The following SNX29 variants were observed in gnomAD, a reference collection of about 807,000 sequenced individuals.
SNX29 encodes sorting nexin 29.
In SNX29, 78 loss-of-function variants were observed where a neutral mutation model predicts 102.1. The ratio of observed to expected loss-of-function variants is 0.76; its 90% CI spans 0.64 to 0.92. The LOEUF is 0.92. Ranked by LOEUF, SNX29 falls within the 40% of genes least tolerant of loss-of-function variation. The probability of loss-of-function intolerance (pLI) is 0.00; values close to 1 mark genes in which losing one functional copy is unlikely to be tolerated. For synonymous variants in SNX29, 580 were observed against 414.5 expected (o/e 1.40, Z -4.85); for missense variants, 1,280 against 1,061.7 (o/e 1.21, Z -2.86).
In SNX29 at chr16:12,274,113, C is replaced by T. The variant is rs375065841; in HGVS notation, c.1679-3820C>T. The stretch of plus-strand genomic sequence containing the variant: ...CTAGAATTCTTCCCTTCTTTATGTG[C>T]GGGGTAAAGTTTCTGCACGGTCACA... On this transcript the variant is annotated intron_variant, in intron 14 of 20. Coordinates refer to ENST00000566228, the MANE Select transcript of SNX29 (RefSeq NM_032167.5). Among the ~76,000 whole-genome samples the T allele has an allele frequency of 5.3e-5, 8 of 152,212 alleles. No homozygotes were observed. In the East Asian group the frequency reaches 7.7e-4, roughly 15 times the overall value.
At chr16:12,548,103 G>A (rs180896665) in intron 20 of SNX29, among the ~76,000 whole-genome samples, 99 of 152,338 alleles carry the variant, frequency 6.5e-4, no homozygotes, top group African/African-American at 2.3e-3. Flanking sequence ...AAGGGACATT[G>A]AGGTCTATTT....
At chr16:12,002,812 G>C (rs1204715382) in intron 2 of SNX29, among the ~76,000 whole-genome samples, 179 bp from the exon 3 acceptor site, 2 of 152,182 alleles carry the variant, frequency 1.3e-5, no homozygotes, top group East Asian at 1.9e-4. Flanking sequence ...TCAAGGCTGG[G>C]GTGCGCACCT....
intron 14 of SNX29, among the ~76,000 whole-genome samples, chr16:12,243,462 A>T (rs764815020): frequency 6.6e-6 from 1 of 152,310 alleles, no homozygotes; most frequent in Non-Finnish European, 1.5e-5. Context: ...ATAAGAACAC[A>T]TTAGGCTCAG....
At chr16:12,169,525 A>G (rs79217374) in intron 13 of SNX29, among the ~76,000 whole-genome samples, 2,680 of 152,206 alleles carry the variant, frequency 0.018, 79 homozygotes, top group African/African-American at 0.061. Context: ...GCAAGGCAAC[A>G]TGGACGTACT....
chr16:12,215,688 C>T (rs182415615), intron 14 of SNX29, among the ~76,000 whole-genome samples: 6 of 152,324 alleles, frequency 3.9e-5, no homozygotes, highest in African/African-American at 7.2e-5. Context: ...ATTTGAGGTA[C>T]GTGCTGTACC....
At chr16:12,499,554 G>A (rs1345746711) in intron 19 of SNX29, among the ~76,000 whole-genome samples, 12 of 152,202 alleles carry the variant, frequency 7.9e-5, no homozygotes. Context: ...TTGCCTGATG[G>A]TTTCCCACTC....
intron 14 of SNX29, among the ~76,000 whole-genome samples, chr16:12,265,945 C>G (rs1050306986): frequency 1.3e-5 from 2 of 152,016 alleles, no homozygotes; most frequent in Non-Finnish European, 2.9e-5. Flanking sequence ...AAAGTAATTT[C>G]TATTTTTCTC....
At chr16:12,060,499 T>TGAGGCGGGAG (rs1567170277) in intron 8 of SNX29, among the ~76,000 whole-genome samples, 9 of 152,004 alleles carry the variant, frequency 5.9e-5, no homozygotes, top group Non-Finnish European at 1.2e-4. Flanking sequence ...CTCCTCGGGA[T>TGAGGCGGGAG]GCTGAGGCAG....
intron 11 of SNX29, chr16:12,088,200 G>A (rs1273370240): frequency 2.3e-6 from 1 of 443,752 alleles, no homozygotes; most frequent in Admixed American, 2.4e-5. Flanking sequence ...AGAGAGACAG[G>A]AGAGGCAGGA....
At chr16:12,273,157 C>T (rs2079141571) in intron 14 of SNX29, among the ~76,000 whole-genome samples, 2 of 152,058 alleles carry the variant, frequency 1.3e-5, no homozygotes, top group African/African-American at 4.8e-5. Context: ...TAGGCCGCCT[C>T]CCGCTTGCAC....
intron 15 of SNX29, among the ~76,000 whole-genome samples, chr16:12,329,383 A>G (rs1400015168): frequency 6.6e-6 from 1 of 151,588 alleles, no homozygotes; most frequent in Middle Eastern, 3.2e-3. Flanking sequence ...CTGGGTTGCT[A>G]CTAGCAGCTG....
At chr16:12,115,773 C>T (rs2053674314) in intron 11 of SNX29, among the ~76,000 whole-genome samples, 1 of 152,184 alleles carries the variant, frequency 6.6e-6, no homozygotes, top group Non-Finnish European at 1.5e-5. Context: ...CAATATGTTC[C>T]TCCTCGAGGC....
intron 11 of SNX29, among the ~76,000 whole-genome samples, chr16:12,103,231 G>T (rs926247429): frequency 3.9e-5 from 6 of 152,114 alleles, no homozygotes; most frequent in Non-Finnish European, 8.8e-5. Context: ...AACCAAAAAA[G>T]AGCCCATATA....
At chr16:12,502,359 G>A (rs1006225434) in intron 19 of SNX29, among the ~76,000 whole-genome samples, 1 of 152,150 alleles carries the variant, frequency 6.6e-6, no homozygotes, top group Non-Finnish European at 1.5e-5. Context: ...TTACGAGGGC[G>A]CTGTGAGGAT....
intron 18 of SNX29, among the ~76,000 whole-genome samples, chr16:12,456,506 CGTGTGTGTGTGT>C (rs3072479): frequency 8.1e-5 from 12 of 148,842 alleles, no homozygotes; most frequent in Non-Finnish European, 1.3e-4. Flanking sequence ...CATGTGTGCA[CGTGTGTGTGTGT>C]GTGTGTGTGT....
rs1271391291 is a variant in SNX29 at position 12,524,687 on chromosome 16, T to G, written c.2179-15T>G. The G allele has an allele frequency of 6.2e-7, 1 of 1,611,768 alleles. No individual in the cohort carries two copies. Among genetic ancestry groups the G allele is most frequent in the African/African-American group, 1.3e-5 (1 of 74,692 alleles). ...GGAAGACGTACCAAAGCGAAGATGT[T>G]TTGTGTTTCCTCAGGATGCCAAGTT... is the stretch of plus-strand genomic sequence containing the variant. On this transcript the variant is annotated splice_polypyrimidine_tract_variant and intron_variant, in intron 19 of 20. Transcript: ENST00000566228.
At chr16:12,337,361 A>G (rs2081482498) in intron 15 of SNX29, among the ~76,000 whole-genome samples, 1 of 152,040 alleles carries the variant, frequency 6.6e-6, no homozygotes, top group South Asian at 2.1e-4. Context: ...TTGTTGTTCA[A>G]GACAGGGTCT....
At chr16:12,552,326 C>G (rs111497380) in intron 20 of SNX29, among the ~76,000 whole-genome samples, 1 of 152,154 alleles carries the variant, frequency 6.6e-6, no homozygotes, top group Admixed American at 6.5e-5. Flanking sequence ...TAATGGAACT[C>G]CTCTCCTGGC....
At chr16:12,190,836 G>T (rs898132838) in intron 13 of SNX29, among the ~76,000 whole-genome samples, 1 of 151,958 alleles carries the variant, frequency 6.6e-6, no homozygotes, top group African/African-American at 2.4e-5. Flanking sequence ...GGTAGAACCC[G>T]GGAGGAGCCT....
Sources: gnomAD v4.1 joint callset for allele counts (sites outside exome capture counted in the v4.1 genomes callset) on GRCh38, gnomAD v4.1.1 for gene constraint, MANE v1.5 for transcripts, NCBI Gene and HGNC (gene_info 2026-07-23, HGNC 2026-07-21) for gene names.